HKDC1: variants seen among roughly 807,000 people sequenced by gnomAD.
HKDC1 encodes the protein hexokinase domain containing 1.
HKDC1 carries 66 observed loss-of-function variants against 96.6 expected under a neutral mutation model. That is an observed-to-expected ratio of 0.68 (90% CI 0.56 to 0.84). HKDC1 has a LOEUF of 0.84. HKDC1 is among the 40% of genes least tolerant of loss of function. The probability of loss-of-function intolerance (pLI) is 0.00; values close to 1 mark genes in which losing one functional copy is unlikely to be tolerated. For synonymous variants in HKDC1, 466 were observed against 473.1 expected (o/e 0.98, Z 0.20); for missense variants, 1,211 against 1,208.1 (o/e 1.00, Z -0.04).
At chr10:69,251,465 C>T (rs916529776) in intron 12 of HKDC1, among the ~76,000 whole-genome samples, 4 of 152,002 alleles carry the variant, frequency 2.6e-5, no homozygotes, top group Non-Finnish European at 2.9e-5. Flanking sequence ...TTTGGCTATT[C>T]GGCACTCCTT....
At chr10:69,240,579 G>A (rs1392393194) in intron 5 of HKDC1, 73 bp from the exon 6 acceptor site, 1 of 1,262,222 alleles carries the variant, frequency 7.9e-7, no homozygotes, top group Non-Finnish European at 1.2e-6. Context: ...ACTACCTGCT[G>A]CCTCTGTGGG....
At position 69,247,530 on chromosome 10, in the gene HKDC1, A is replaced by G. The variant is rs1161728549; in HGVS notation, c.1202A>G (p.Lys401Arg). The G allele has an allele frequency of 1.2e-6, 2 of 1,614,028 alleles. No homozygotes were observed. Among genetic ancestry groups the G allele is most frequent in the African/African-American group, 2.7e-5 (2 of 74,908 alleles). Residue 401 changes from lysine to arginine, a missense_variant, in exon 9 of 18, where the codon AAG becomes AGG. Lys to Arg is a conservative substitution (Grantham distance 26). Coordinates refer to ENST00000354624, the MANE Select transcript of HKDC1 (RefSeq NM_025130.4). Reference sequence around the variant, plus strand: ...ATCCTGACACGCCTCCGGGAGAACAAGAAGGTGGAACGGCTCCGGACCACA... The same window carrying G: ...ATCCTGACACGCCTCCGGGAGAACAGGAAGGTGGAACGGCTCCGGACCACA... ...AAILTRLREN[K>R]KVERLRTTVG...
chr10:69,259,833 A>G (rs1181786848), intron 15 of HKDC1, among the ~76,000 whole-genome samples: 1 of 152,176 alleles, frequency 6.6e-6, no homozygotes, highest in Non-Finnish European at 1.5e-5. Context: ...CCAGAACAAC[A>G]GGGGGGAAAT....
intron 16 of HKDC1, among the ~76,000 whole-genome samples, chr10:69,263,157 C>T (rs1381642709): frequency 1.3e-5 from 2 of 152,064 alleles, no homozygotes; most frequent in East Asian, 1.9e-4. Context: ...CTCAACCTCC[C>T]GGGTTCAAGT....
Position 69,247,345 on chromosome 10 carries a change from C to A in HKDC1, c.1032-15C>A. On this transcript the variant is annotated splice_polypyrimidine_tract_variant and intron_variant, in intron 8 of 17. Transcript: ENST00000354624. ...ATGGAGAAGTGTCGTTCACTCATTC[C>A]TGTCCCCTGGCCAGGTATAAAGAAG... is the stretch of plus-strand genomic sequence containing the variant. 6.3e-7 allele frequency: 1 copy of A among 1,582,134 alleles called. No homozygotes were observed. Among genetic ancestry groups the A allele is most frequent in the Non-Finnish European group, 8.7e-7 (1 of 1,150,792 alleles).
intron 1 of HKDC1, 47 bp downstream of exon 1, chr10:69,220,545 G>A (rs750084821): frequency 2.2e-5 from 30 of 1,348,622 alleles, no homozygotes; most frequent in Non-Finnish European, 2.6e-5. Flanking sequence ...CCTTCTTCAC[G>A]GACAAAACTG....
At chr10:69,258,031 G>A (rs1418165799) in intron 14 of HKDC1, among the ~76,000 whole-genome samples, 2 of 152,194 alleles carry the variant, frequency 1.3e-5, no homozygotes, top group East Asian at 3.8e-4. Context: ...AGTAATGATA[G>A]AACCTAGAAA....
chr10:69,265,938 AG>A, intron 17 of HKDC1, 120 bp downstream of exon 17: 1 of 741,312 alleles, frequency 1.3e-6, no homozygotes, highest in South Asian at 1.7e-5. Flanking sequence ...TTTATGGGAA[AG>A]GAGTGCTGTG....
In HKDC1 at chr10:69,243,353, C is replaced by G; in HGVS notation, c.863C>G (p.Pro288Arg). The G allele has an allele frequency of 6.3e-7, 1 of 1,585,210 alleles. No homozygotes were observed. Among genetic ancestry groups the G allele is most frequent in the Non-Finnish European group, 8.6e-7 (1 of 1,165,158 alleles). Residue 288 changes from proline (P) to arginine (R), a missense_variant, in exon 7 of 18, where the codon CCA becomes CGA. By Grantham distance (103) the Pro-to-Arg change is moderately radical. Coordinates refer to ENST00000354624, the MANE Select transcript of HKDC1 (RefSeq NM_025130.4). ...DRELDLGSLN[P>R]GKQLFEKMIS... ...GAGCTGGACCTCGGCTCTCTCAACC[C>G]AGGAAAGCAACTGTGAGTTCCCTTC...
chr10:69,225,989 G>C (rs1843149778), intron 1 of HKDC1: 1 of 152,458 alleles, frequency 6.6e-6, no homozygotes, highest in East Asian at 1.9e-4. Flanking sequence ...CCTGTCACCT[G>C]GAGGGTGGAG....
intron 10 of HKDC1, 120 bp from the exon 11 acceptor site, chr10:69,250,169 TG>T: frequency 1.8e-6 from 2 of 1,127,746 alleles, no homozygotes; most frequent in Non-Finnish European, 2.5e-6. Context: ...CACGACCCTC[TG>T]GTCTATGAGG....
At position 69,265,686 on chromosome 10, in the gene HKDC1, T is replaced by C. The variant is rs1425203687; in HGVS notation, c.2474T>C (p.Val825Ala). 1.2e-6 allele frequency: 2 copies of C among 1,613,814 alleles called. No individual in the cohort carries two copies. Among genetic ancestry groups the C allele is most frequent in the Non-Finnish European group, 1.7e-6 (2 of 1,179,866 alleles). The stretch of plus-strand genomic sequence containing the variant: ...GTGGTGAAGGAGGTGTGCGGAGCCG[T>C]GTCCCGGCGGGCGGCCCAGCTCTGC... ...SIVVKEVCGA[V>A]SRRAAQLCGA... Residue 825 changes from valine (V) to alanine (A), a missense_variant, in exon 17 of 18, where the codon GTG (valine) becomes GCG (alanine). Coordinates refer to ENST00000354624, the MANE Select transcript of HKDC1 (RefSeq NM_025130.4).
At chr10:69,238,965 A>C in intron 4 of HKDC1, 77 bp from the exon 5 acceptor site, 1 of 972,474 alleles carries the variant, frequency 1.0e-6, no homozygotes, top group Non-Finnish European at 1.6e-6. Context: ...GGATGCACGT[A>C]GGCATGAAGT....
chr10:69,245,391 C>T (rs1488619374), intron 7 of HKDC1, among the ~76,000 whole-genome samples: 1 of 150,462 alleles, frequency 6.6e-6, no homozygotes, highest in African/African-American at 2.4e-5. Context: ...TTATGATAAG[C>T]CTAGGCAACA....
At chr10:69,263,022 G>A (rs527271097) in intron 16 of HKDC1, among the ~76,000 whole-genome samples, 13 of 152,194 alleles carry the variant, frequency 8.5e-5, no homozygotes, top group African/African-American at 3.1e-4. Context: ...TGCACAAGAG[G>A]TGTCTGTTTT....
chr10:69,255,777 C>A (rs1483957516), intron 12 of HKDC1, among the ~76,000 whole-genome samples: 1 of 151,822 alleles, frequency 6.6e-6, no homozygotes, highest in Non-Finnish European at 1.5e-5. Context: ...ATTAGCCAGG[C>A]GTGGTGGTGT....
chr10:69,224,713 G>C (rs1022787676), intron 1 of HKDC1, among the ~76,000 whole-genome samples: 1 of 152,188 alleles, frequency 6.6e-6, no homozygotes, highest in African/African-American at 2.4e-5. Context: ...TGGACTAGAC[G>C]AGCTCTAAGG....
At chr10:69,251,905 G>C (rs750383954) in intron 12 of HKDC1, among the ~76,000 whole-genome samples, 1 of 151,794 alleles carries the variant, frequency 6.6e-6, no homozygotes, top group African/African-American at 2.4e-5. Flanking sequence ...GATTACAGGT[G>C]TGTGCCACCA....
At chr10:69,224,204 T>C (rs1225428710) in intron 1 of HKDC1, among the ~76,000 whole-genome samples, 3 of 151,958 alleles carry the variant, frequency 2.0e-5, no homozygotes, top group Admixed American at 1.3e-4. Context: ...CAAGACCCTG[T>C]CTCAAAAATA....
Sources: allele counts gnomAD v4.1 joint callset (sites outside exome capture counted in the v4.1 genomes callset), GRCh38; gene constraint gnomAD v4.1.1; transcripts MANE v1.5; gene names NCBI Gene and HGNC (gene_info 2026-07-23, HGNC 2026-07-21).